Variants in GNB5 observed in about 807,000 individuals in gnomAD.
GNB5 encodes the protein G protein subunit beta 5.
GNB5 carries 37 observed loss-of-function variants against 55.3 expected under a neutral mutation model. The ratio of observed to expected loss-of-function variants is 0.67; its 90% CI spans 0.51 to 0.88. GNB5 has a LOEUF of 0.88. GNB5 is among the 40% of genes least tolerant of loss of function. The pLI is 0.00. For synonymous variants in GNB5, 219 were observed against 198.5 expected, an observed-to-expected ratio of 1.10 and a Z score of -0.87; for missense variants, 476 against 515.3, an observed-to-expected ratio of 0.92 and a Z score of 0.74.
intron 5 of GNB5, among the ~76,000 whole-genome samples, chr15:52,148,135 C>A (rs2034015963): frequency 6.6e-6 from 1 of 151,920 alleles, no homozygotes; most frequent in African/African-American, 2.4e-5. Context: ...CTATCAGGGC[C>A]CCTTTTCTTT....
intron 6 of GNB5, chr15:52,147,179 T>C: frequency 4.3e-6 from 1 of 234,312 alleles, no homozygotes; most frequent in South Asian, 6.7e-5. Flanking sequence ...TTTTTTTTTT[T>C]TTTTTAAAGA....
At chr15:52,177,789 A>G (rs2034681743) in intron 3 of GNB5, among the ~76,000 whole-genome samples, 1 of 152,166 alleles carries the variant, frequency 6.6e-6, no homozygotes, top group African/African-American at 2.4e-5. Context: ...GGTAGAAGAG[A>G]AGTGGTCTGG....
intron 6 of GNB5, among the ~76,000 whole-genome samples, chr15:52,143,489 G>A (rs538342217): frequency 6.6e-6 from 1 of 152,282 alleles, no homozygotes; most frequent in South Asian, 2.1e-4. Flanking sequence ...CATAGTAAGT[G>A]TACAATACCT....
intron 6 of GNB5, among the ~76,000 whole-genome samples, chr15:52,143,133 C>A (rs1167038938): frequency 6.8e-6 from 1 of 147,902 alleles, no homozygotes; most frequent in African/African-American, 2.5e-5. Flanking sequence ...CCAGCCTGGG[C>A]AACAGAGTGA....
chr15:52,172,806 C>T (rs543022457), intron 3 of GNB5, among the ~76,000 whole-genome samples: 1 of 152,108 alleles, frequency 6.6e-6, no homozygotes, highest in Non-Finnish European at 1.5e-5. Flanking sequence ...ATGAAAAGCA[C>T]CTTCACTTTC....
In GNB5 at chr15:52,125,960, A is replaced by G. The variant is rs1250303411; in HGVS notation, c.997T>C (p.Phe333Leu). ...SIIFGASSVD[F>L]SLSGRLLFAG... ...AATAAAATCTTACCACTGAGGGAGA[A>G]GTCCACGCTGGATGCTCCAAATATG... The change falls in exon 11 of 13, where the codon TTC (phenylalanine) becomes CTC (leucine). Residue 333 changes from phenylalanine to leucine, a missense_variant. Transcript: ENST00000261837. 6.9e-7 allele frequency: 1 copy of G among 1,454,612 alleles called. No individual in the cohort carries two copies. Among genetic ancestry groups the G allele is most frequent in the Non-Finnish European group, 9.6e-7 (1 of 1,041,502 alleles). 90.1% of individuals were successfully genotyped at this position (1,454,612 alleles called of 1,614,324 possible). A position where few individuals can be genotyped will look rare whatever the true frequency, so the allele number is the denominator to read the frequency against.
At chr15:52,137,728 A>T in intron 7 of GNB5, 1 of 1,189,702 alleles carries the variant, frequency 8.4e-7, no homozygotes, top group Non-Finnish European at 1.1e-6. Flanking sequence ...GGCAGTGAGG[A>T]CTCAGGGTTC....
At position 52,161,335 on chromosome 15, in the gene GNB5, T is replaced by G. The variant is rs539145197; in HGVS notation, c.239-7259A>C. Among the ~76,000 whole-genome samples the G allele has an allele frequency of 3.3e-5, 5 of 152,316 alleles. No homozygotes were observed. The South Asian group carries it at 1.0e-3, about 32-fold the overall frequency. On this transcript the variant is annotated intron_variant, in intron 3 of 12. Coordinates refer to ENST00000261837, the MANE Select transcript of GNB5 (RefSeq NM_016194.4). Reference sequence around the variant, plus strand: ...TTTTTTGAGACAGAGTCTCGCTCTGTTGCCCAGGCTGGAGTGCAGTGGCGT... The same window carrying G: ...TTTTTTGAGACAGAGTCTCGCTCTGGTGCCCAGGCTGGAGTGCAGTGGCGT...
At chr15:52,138,087 C>T in intron 7 of GNB5, 1 of 579,556 alleles carries the variant, frequency 1.7e-6, no homozygotes, top group Non-Finnish European at 2.9e-6. Context: ...CTTCCCCTCT[C>T]TCTTATATGT....
At chr15:52,130,843 T>C (rs2033555157) in intron 9 of GNB5, among the ~76,000 whole-genome samples, 1 of 152,210 alleles carries the variant, frequency 6.6e-6, no homozygotes, top group African/African-American at 2.4e-5. Context: ...TTATTATTTT[T>C]GAGAAGGGGT....
At position 52,121,858 on chromosome 15, in the gene GNB5, C is replaced by T. The variant is rs2033278682; in HGVS notation, c.*899G>A. On this transcript the variant is annotated 3_prime_UTR_variant, in exon 13 of 13. Transcript: ENST00000261837. ...CCGCCCGCCTCGGCCTCCCAAAGTGCTGGGATTACAAGCGTGAGCCACCGC... is the reference window on the plus strand; with the variant it reads ...CCGCCCGCCTCGGCCTCCCAAAGTGTTGGGATTACAAGCGTGAGCCACCGC... 1 of 152,176 alleles carries T rather than the reference C, an allele frequency of 6.6e-6. No homozygotes were observed. The highest frequency in any genetic ancestry group is 2.1e-4 in the South Asian group (1 of 4,826). The allele number at this position is 152,176 out of a possible 1,614,324, so 9.4% of individuals were successfully genotyped here. A position where few individuals can be genotyped will look rare whatever the true frequency, so the allele number is the denominator to read the frequency against.
rs2033255055 is a variant in GNB5 at position 52,121,058 on chromosome 15, T to A, written c.*1699A>T. The stretch of plus-strand genomic sequence containing the variant: ...TGTGAGGGTGGGCCTGGCACACCCC[T>A]GGATGTTTACAGGAGCATCTGGTCC... On this transcript the variant is annotated 3_prime_UTR_variant, in exon 13 of 13. Transcript: ENST00000261837. The A allele has an allele frequency of 6.6e-6, 1 of 152,376 alleles. No homozygotes were observed. Among genetic ancestry groups the A allele is most frequent in the East Asian group, 1.9e-4 (1 of 5,190 alleles). The allele number at this position is 152,376 out of a possible 1,614,324, so 9.4% of individuals were successfully genotyped here. A position where few individuals can be genotyped will look rare whatever the true frequency, so the allele number is the denominator to read the frequency against.
chr15:52,122,864 G>T, intron 12 of GNB5, 96 bp from the exon 13 acceptor site: 1 of 861,580 alleles, frequency 1.2e-6, no homozygotes. Flanking sequence ...TCACACACAT[G>T]CATGGGCATA....
intron 11 of GNB5, 101 bp from the exon 12 acceptor site, chr15:52,124,740 G>A (rs1453192778): frequency 2.8e-5 from 28 of 990,998 alleles, no homozygotes; most frequent in Non-Finnish European, 3.8e-5. Context: ...TGATTCAGGC[G>A]CACTGAGTCC....
In GNB5 at chr15:52,121,082, C is replaced by T. The variant is rs1037055175; in HGVS notation, c.*1675G>A. 6.6e-6 allele frequency: 1 copy of T among 152,248 alleles called. No individual in the cohort carries two copies. Among genetic ancestry groups the T allele is most frequent in the African/African-American group, 2.4e-5 (1 of 41,466 alleles). 9.4% of individuals were successfully genotyped at this position (152,248 alleles called of 1,614,324 possible). A position where few individuals can be genotyped will look rare whatever the true frequency, so the allele number is the denominator to read the frequency against. On this transcript the variant is annotated 3_prime_UTR_variant, in exon 13 of 13. Transcript: ENST00000261837. ...CTGGATGTTTACAGGAGCATCTGGT[C>T]CAGTCCTGTCTTATGGCTGTGCCCA...
Position 52,116,925 on chromosome 15 carries a change from TTTTTC to T in GNB5, c.*5827_*5831del, listed in dbSNP as rs2141173167. On this transcript the variant is annotated 3_prime_UTR_variant, in exon 13 of 13. Coordinates refer to ENST00000261837, the MANE Select transcript of GNB5 (RefSeq NM_016194.4). ...TTAAAAACCTTTGTTTTTCTTTTTT[TTTTTC>T]TTTGTTTTTTTGAGTCAGAGTCTCG... 1 of 149,506 alleles carries T rather than the reference TTTTTC, an allele frequency of 6.7e-6. No homozygotes were observed. Among genetic ancestry groups the T allele is most frequent in the South Asian group, 2.1e-4 (1 of 4,750 alleles). The allele number at this position is 149,506 out of a possible 1,614,324, so 9.3% of individuals were successfully genotyped here.
intron 8 of GNB5, among the ~76,000 whole-genome samples, chr15:52,134,382 C>T (rs1427874983): frequency 6.6e-6 from 1 of 152,204 alleles, no homozygotes; most frequent in Non-Finnish European, 1.5e-5. Flanking sequence ...CACCATCACA[C>T]ATCTGAGGAA....
chr15:52,154,027 C>G lies in GNB5; in HGVS notation c.288G>C (p.Lys96Asn). Residue 96 changes from lysine to asparagine, a missense_variant, in exon 4 of 13, where the codon AAG (lysine) becomes AAC (asparagine). Coordinates refer to ENST00000261837, the MANE Select transcript of GNB5 (RefSeq NM_016194.4). ...CGTGGCCTTTGAGGGTCCTTCTGGTCTTCATGACAAACTGCCCCAGGGCCT... is the reference window on the plus strand; with the variant it reads ...CGTGGCCTTTGAGGGTCCTTCTGGTGTTCATGACAAACTGCCCCAGGGCCT... ...RVEALGQFVM[K>N]TRRTLKGHGN... is the part of the protein sequence containing the mutation. 1 of 1,614,166 alleles carries G rather than the reference C, an allele frequency of 6.2e-7. No individual in the cohort carries two copies. The highest frequency in any genetic ancestry group is 8.5e-7 in the Non-Finnish European group (1 of 1,179,962).
chr15:52,122,873 T>C (rs2033307829), intron 12 of GNB5, 105 bp from the exon 13 acceptor site: 4 of 815,696 alleles, frequency 4.9e-6, no homozygotes, highest in Non-Finnish European at 6.5e-6. Context: ...TGCATGGGCA[T>C]ACATATATGT....
Sources: allele counts gnomAD v4.1 joint callset (sites outside exome capture counted in the v4.1 genomes callset), GRCh38; gene constraint gnomAD v4.1.1; transcripts MANE v1.5; gene names NCBI Gene and HGNC (gene_info 2026-07-23, HGNC 2026-07-21).